Variants in EGFLAM observed in about 807,000 individuals in gnomAD.
EGFLAM encodes the protein EGF like, fibronectin type III and laminin G domains, also known as pikachurin.
Under a neutral mutation model 113.1 loss-of-function variants are expected in EGFLAM, and 79 were observed. The observed-to-expected ratio is 0.70, with a 90% CI of 0.58 to 0.84. The LOEUF is 0.84. Among genes scored for constraint, EGFLAM ranks in the 40% least tolerant of loss-of-function variants. The pLI, the probability that EGFLAM is intolerant of heterozygous loss-of-function variation, is 0.00. For synonymous variants in EGFLAM, 504 were observed against 487.6 expected, an observed-to-expected ratio of 1.03 and a Z score of -0.44; for missense variants, 1,265 against 1,291.6, an observed-to-expected ratio of 0.98 and a Z score of 0.32.
chr5:38,448,691 C>T (rs1742806338), intron 18 of EGFLAM, among the ~76,000 whole-genome samples: 2 of 152,168 alleles, frequency 1.3e-5, no homozygotes, highest in African/African-American at 4.8e-5. Context: ...ATTCAGGCTT[C>T]GAGAAACAGT....
At chr5:38,354,414 A>T (rs532191121) in intron 5 of EGFLAM, among the ~76,000 whole-genome samples, 4 of 152,298 alleles carry the variant, frequency 2.6e-5, no homozygotes, top group African/African-American at 9.6e-5. Context: ...AGCAAGATGT[A>T]ATACTTTAAA....
At chr5:38,342,469 G>A (rs540297504) in intron 3 of EGFLAM, among the ~76,000 whole-genome samples, 11 of 152,242 alleles carry the variant, frequency 7.2e-5, no homozygotes, top group African/African-American at 2.2e-4. Context: ...ATGCTAAACC[G>A]GGGAGTGGGT....
At chr5:38,313,555 A>G (rs1561274126) in intron 1 of EGFLAM, among the ~76,000 whole-genome samples, 1 of 152,244 alleles carries the variant, frequency 6.6e-6, no homozygotes, top group Non-Finnish European at 1.5e-5. Flanking sequence ...ATATTAGTAT[A>G]TTTTAAAGAG....
At position 38,464,288 on chromosome 5, in the gene EGFLAM, C is replaced by T; in HGVS notation, c.*302C>T. The stretch of plus-strand genomic sequence containing the variant: ...CAATGCAAATTCCAGAGCCTGTCTG[C>T]TATAGCTCAGTGACTGTGTTGTGAT... On this transcript the variant is annotated 3_prime_UTR_variant, in exon 22 of 22. Transcript: ENST00000322350. The T allele has an allele frequency of 2.8e-6, 1 of 354,374 alleles. No individual in the cohort carries two copies. The highest frequency in any genetic ancestry group is 5.4e-5 in the South Asian group (1 of 18,452). The allele number at this position is 354,374 out of a possible 1,614,324, so 22.0% of individuals were successfully genotyped here.
intron 3 of EGFLAM, among the ~76,000 whole-genome samples, chr5:38,348,441 A>T (rs917569602): frequency 6.6e-6 from 1 of 152,152 alleles, no homozygotes; most frequent in Non-Finnish European, 1.5e-5. Context: ...GTAGAAGGTG[A>T]CCATGGAAGA....
intron 6 of EGFLAM, 174 bp from the exon 7 acceptor site, chr5:38,405,952 A>G: frequency 3.2e-6 from 2 of 623,470 alleles, no homozygotes; most frequent in Non-Finnish European, 2.9e-6. Flanking sequence ...ATGAGAGGAA[A>G]CTTTTTTTAT....
chr5:38,288,032 G>T (rs559149848), intron 1 of EGFLAM, among the ~76,000 whole-genome samples: 1 of 152,136 alleles, frequency 6.6e-6, no homozygotes, highest in African/African-American at 2.4e-5. Context: ...TACTTAGTTT[G>T]TAATTTAACT....
intron 1 of EGFLAM, among the ~76,000 whole-genome samples, chr5:38,291,534 CTCTCCACGTG>C (rs889617679): frequency 6.6e-6 from 1 of 152,204 alleles, no homozygotes; most frequent in South Asian, 2.1e-4. Context: ...CAGCAGGTTC[CTCTCCACGTG>C]TCTCCACGTG....
At chr5:38,322,921 C>T (rs558702868) in intron 1 of EGFLAM, among the ~76,000 whole-genome samples, 1 of 152,296 alleles carries the variant, frequency 6.6e-6, no homozygotes, top group African/African-American at 2.4e-5. Flanking sequence ...TGTCTTAAAC[C>T]CACATTTTCA....
intron 6 of EGFLAM, chr5:38,401,084 T>C (rs1741099447): frequency 6.6e-6 from 1 of 152,126 alleles, no homozygotes; most frequent in Admixed American, 6.6e-5. Context: ...CATTGAAAAA[T>C]ATGTGCCTTA....
chr5:38,385,145 CTATT>C lies in EGFLAM; in HGVS notation c.712+14687_712+14690del, dbSNP rs1740622417. ...AATTAACTGACATTTAAAAAAACAA[CTATT>C]TATCAAACTTTTTTGGACTACCACT... On this transcript the variant is annotated intron_variant, in intron 6 of 21. Transcript: ENST00000322350. Among the ~76,000 whole-genome samples, 3 of 152,034 alleles carry C rather than the reference CTATT, an allele frequency of 2.0e-5. No homozygotes were observed. In the South Asian group the frequency reaches 6.2e-4, roughly 31 times the overall value.
At chr5:38,420,613 C>T (rs1483217083) in intron 12 of EGFLAM, among the ~76,000 whole-genome samples, 2 of 152,152 alleles carry the variant, frequency 1.3e-5, no homozygotes, top group South Asian at 2.1e-4. Context: ...GCAAACATTT[C>T]GTAAATGTTT....
chr5:38,275,710 C>T (rs576829210), intron 1 of EGFLAM, among the ~76,000 whole-genome samples: 2 of 152,292 alleles, frequency 1.3e-5, no homozygotes, highest in South Asian at 4.1e-4. Context: ...CATTCCAGAA[C>T]AACTGAACCT....
At chr5:38,358,426 G>A (rs563945038) in intron 5 of EGFLAM, among the ~76,000 whole-genome samples, 9 of 111,474 alleles carry the variant, frequency 8.1e-5, no homozygotes, top group Admixed American at 1.4e-4. Flanking sequence ...CAGCCTGGGC[G>A]ACAGAGCAAG....
chr5:38,312,881 A>T lies in EGFLAM; in HGVS notation c.98-24639A>T, dbSNP rs867469094. ...GGTGGGTGGATCACCTGAGGTCAGC[A>T]GTTCAAGACCAGCCTGCCCAACATG... On this transcript the variant is annotated intron_variant, in intron 1 of 21. Coordinates refer to ENST00000322350, the MANE Select transcript of EGFLAM (RefSeq NM_152403.4). Among the ~76,000 whole-genome samples, 352 of 152,248 alleles carry T rather than the reference A, an allele frequency of 2.3e-3. 1 individual carries two copies. The highest frequency in any genetic ancestry group is 7.9e-3 in the African/African-American group (330 of 41,552).
At chr5:38,412,171 T>G (rs1004793714) in intron 10 of EGFLAM, among the ~76,000 whole-genome samples, 1 of 152,170 alleles carries the variant, frequency 6.6e-6, no homozygotes, top group South Asian at 2.1e-4. Context: ...TGAATGATGC[T>G]GAGGCTTGGG....
At chr5:38,269,966 A>G (rs903466739) in intron 1 of EGFLAM, among the ~76,000 whole-genome samples, 1 of 152,188 alleles carries the variant, frequency 6.6e-6, no homozygotes, top group East Asian at 1.9e-4. Flanking sequence ...GTGTTTCTGC[A>G]GCTAATGGAT....
In EGFLAM at chr5:38,261,563, G is replaced by A. The variant is rs561568660; in HGVS notation, c.97+2712G>A. Reference sequence around the variant, plus strand: ...TCTGATATTCAGGACCAGAAACTGAGCTCAGAACACTGTGTTTGCAGAGGT... The same window carrying A: ...TCTGATATTCAGGACCAGAAACTGAACTCAGAACACTGTGTTTGCAGAGGT... On this transcript the variant is annotated intron_variant, in intron 1 of 21. Transcript: ENST00000322350. Among the ~76,000 whole-genome samples, 3 of 152,334 alleles carry A rather than the reference G, an allele frequency of 2.0e-5. No homozygotes were observed. The East Asian group carries it at 5.8e-4, about 29-fold the overall frequency.
intron 17 of EGFLAM, 51 bp downstream of exon 17, chr5:38,438,506 G>T (rs1742432904): frequency 1.1e-5 from 16 of 1,477,882 alleles, no homozygotes; most frequent in Non-Finnish European, 1.4e-5. Context: ...GGAAGGAACG[G>T]ACAGCCAATT....
Sources: allele counts gnomAD v4.1 joint callset (sites outside exome capture counted in the v4.1 genomes callset), GRCh38; gene constraint gnomAD v4.1.1; transcripts MANE v1.5; gene names NCBI Gene and HGNC (gene_info 2026-07-23, HGNC 2026-07-21).